ABCA3: variants seen among roughly 807,000 people sequenced by gnomAD.
The protein encoded by ABCA3 is phospholipid-transporting ATPase ABCA3.
ABCA3 carries 88 observed loss-of-function variants against 172.8 expected under a neutral mutation model. The observed-to-expected ratio is 0.51, with a 90% CI of 0.43 to 0.61. The LOEUF is 0.61. Ranked by LOEUF, ABCA3 falls within the 20% of genes least tolerant of loss-of-function variation. The pLI is 0.00. For synonymous variants in ABCA3, 1,066 were observed against 983.8 expected, an observed-to-expected ratio of 1.08 and a Z score of -1.56; for missense variants, 2,164 against 2,301.0, an observed-to-expected ratio of 0.94 and a Z score of 1.22.
chr16:2,295,165 G>A (rs1168534760), intron 18 of ABCA3, among the ~76,000 whole-genome samples: 1 of 152,150 alleles, frequency 6.6e-6, no homozygotes, highest in Non-Finnish European at 1.5e-5. Context: ...TGCCGTGTGT[G>A]TGAGACAGTG....
chr16:2,278,997 G>C lies in ABCA3; in HGVS notation c.4493C>G (p.Thr1498Ser), dbSNP rs753483761. ...TGGCTCCAGCAGCAGGCCCCGCAGA[G>C]TGTTCTCCACGCAGGCCCCGATGTG... ...ERHIGACVENTLRGLLLEPHA... is the reference protein window; with the variant it reads ...ERHIGACVENSLRGLLLEPHA... The change falls in exon 29 of 33, where the codon ACT becomes AGT. Residue 1498 changes from threonine to serine, a missense_variant. This residue lies in a region of ABCA3 where 795 missense variants were observed against 881.9 expected (regional missense o/e 0.90). Transcript: ENST00000301732. This position sits in a 1 kb window ranked among gnomAD's most constrained non-coding sequence, Gnocchi z 4.4. The C allele has an allele frequency of 6.2e-7, 1 of 1,613,570 alleles. No individual in the cohort carries two copies. Among genetic ancestry groups the C allele is most frequent in the Non-Finnish European group, 8.5e-7 (1 of 1,180,030 alleles).
rs555612825 is a variant in ABCA3 at position 2,277,282 on chromosome 16, G to A, written c.4983+315C>T. 5.8e-4 allele frequency among the ~76,000 whole-genome samples: 88 copies of A among 152,112 alleles called. No individual in the cohort carries two copies. Among genetic ancestry groups the A allele is most frequent in the African/African-American group, 2.1e-3 (87 of 41,490 alleles). On this transcript the variant is annotated intron_variant, in intron 32 of 32. Coordinates refer to ENST00000301732, the MANE Select transcript of ABCA3 (RefSeq NM_001089.3). This position sits in a 1 kb window ranked among gnomAD's most constrained non-coding sequence, Gnocchi z 5.3. The stretch of plus-strand genomic sequence containing the variant: ...TAATTTTTAAATTTTTTGTAGAGAC[G>A]GGGTCTATGTTGCCCAGGCTGGTCT...
chr16:2,332,305 C>T (rs1454235758), intron 1 of ABCA3: 11 of 665,386 alleles, frequency 1.7e-5, no homozygotes, highest in Admixed American at 2.3e-5. Flanking sequence ...TTGATAGTCA[C>T]GATGGGCTTA....
chr16:2,328,146 A>T (rs1244278979), intron 3 of ABCA3, among the ~76,000 whole-genome samples: 2 of 152,230 alleles, frequency 1.3e-5, no homozygotes, highest in East Asian at 3.8e-4. Flanking sequence ...CCAAAAGATG[A>T]TCAAATACAG....
rs567041011 is a variant in ABCA3 at position 2,297,028 on chromosome 16, G to A, written c.2263+301C>T. 3.8e-4 allele frequency among the ~76,000 whole-genome samples: 58 copies of A among 152,194 alleles called. No individual in the cohort carries two copies. The highest frequency in any genetic ancestry group is 6.6e-4 in the Non-Finnish European group (45 of 68,040). On this transcript the variant is annotated intron_variant, in intron 17 of 32. Transcript: ENST00000301732. The surrounding 1 kb of genome is among the most constrained non-coding windows in gnomAD (Gnocchi z 5.6). The stretch of plus-strand genomic sequence containing the variant: ...GCTCTCACGTGGGAGCTGCCATGTT[G>A]GTGCGTGTGTTGGCCTCTCCAAGGG...
chr16:2,323,262 C>T (rs2093728837), intron 7 of ABCA3: 3 of 555,578 alleles, frequency 5.4e-6, no homozygotes, highest in Admixed American at 3.1e-5. Context: ...CCTCAGGGAT[C>T]TAGAACTAGA....
intron 1 of ABCA3, chr16:2,332,558 C>T (rs2093745039): frequency 8.5e-7 from 1 of 1,183,092 alleles, no homozygotes; most frequent in South Asian, 1.2e-5. Flanking sequence ...CGAATGTCCA[C>T]ACCAGCAAAT....
intron 2 of ABCA3, among the ~76,000 whole-genome samples, chr16:2,329,428 C>A (rs909985463): frequency 5.3e-5 from 8 of 152,174 alleles, no homozygotes; most frequent in African/African-American, 1.9e-4. Context: ...CTGAGATGAA[C>A]GTTCTGCCTC....
Position 2,329,835 on chromosome 16 carries a change from CA to C in ABCA3, c.-520del, listed in dbSNP as rs2093740295. The stretch of plus-strand genomic sequence containing the variant: ...GACATCAGGAGGTGCCCAGGGCTCA[CA>C]GGCATGACTCTCCAGCACCTTTGGA... On this transcript the variant is annotated 5_prime_UTR_variant, in exon 2 of 33. It introduces an in-frame stop codon into an upstream open reading frame of the 5' UTR. Coordinates refer to ENST00000301732, the MANE Select transcript of ABCA3 (RefSeq NM_001089.3). 6.6e-6 allele frequency: 1 copy of C among 152,204 alleles called. No individual in the cohort carries two copies. The highest frequency in any genetic ancestry group is 2.1e-4 in the South Asian group (1 of 4,828). 9.4% of individuals were successfully genotyped at this position (152,204 alleles called of 1,614,324 possible). A position where few individuals can be genotyped will look rare whatever the true frequency, so the allele number is the denominator to read the frequency against.
At chr16:2,337,610 T>C (rs1225907563) in intron 1 of ABCA3, among the ~76,000 whole-genome samples, 5 of 151,770 alleles carry the variant, frequency 3.3e-5, no homozygotes, top group Non-Finnish European at 5.9e-5. Flanking sequence ...TTCTTCCAAC[T>C]TGTGGCCTCA....
chr16:2,312,614 C>T (rs563666636), intron 10 of ABCA3, among the ~76,000 whole-genome samples: 18 of 151,662 alleles, frequency 1.2e-4, no homozygotes, highest in South Asian at 6.3e-4. Context: ...CTGCAACCTC[C>T]GCCTCCCGGG....
At position 2,283,427 on chromosome 16, in the gene ABCA3, C is replaced by G; in HGVS notation, c.3863-69G>C. 1 of 1,561,048 alleles carries G rather than the reference C, an allele frequency of 6.4e-7. No individual in the cohort carries two copies. The highest frequency in any genetic ancestry group is 1.2e-5 in the South Asian group (1 of 86,730). On this transcript the variant is annotated intron_variant, in intron 25 of 32. Coordinates refer to ENST00000301732, the MANE Select transcript of ABCA3 (RefSeq NM_001089.3). The surrounding 1 kb of genome is among the most constrained non-coding windows in gnomAD (Gnocchi z 5.4). ...CTCCTCCCCTTCCAGGTTCCCGGCC[C>G]CCACTCCCCTCCCCAGGCTGCTCAA...
Position 2,276,352 on chromosome 16 carries a change from C to T in ABCA3, c.*322G>A. 2.0e-6 allele frequency: 1 copy of T among 508,718 alleles called. No homozygotes were observed. Among genetic ancestry groups the T allele is most frequent in the South Asian group, 1.5e-5 (1 of 65,004 alleles). 31.5% of individuals were successfully genotyped at this position (508,718 alleles called of 1,614,324 possible). On this transcript the variant is annotated 3_prime_UTR_variant, in exon 33 of 33. Transcript: ENST00000301732. ...TCTCCAGGGAGTGCCTGGAGAAATT[C>T]AACCCCCAGCTCAGCTGCAGCCCTT...
At chr16:2,294,685 T>A (rs2093677154) in intron 18 of ABCA3, among the ~76,000 whole-genome samples, 1 of 152,030 alleles carries the variant, frequency 6.6e-6, no homozygotes, top group Non-Finnish European at 1.5e-5. Context: ...ACCTTGTTTT[T>A]AAAATAAACA....
chr16:2,323,717 TC>T, intron 6 of ABCA3, 29 bp from the exon 7 acceptor site: 2 of 1,613,842 alleles, frequency 1.2e-6, no homozygotes. Context: ...AACCAGCTGT[TC>T]CGAGAGATCC....
At chr16:2,335,656 AG>A (rs1346019874) in intron 1 of ABCA3, among the ~76,000 whole-genome samples, 4 of 152,150 alleles carry the variant, frequency 2.6e-5, no homozygotes, top group Non-Finnish European at 5.9e-5. Flanking sequence ...ACTGAGGAGG[AG>A]GCACCCTGTG....
intron 8 of ABCA3, among the ~76,000 whole-genome samples, chr16:2,318,509 TTC>T (rs932099039): frequency 6.6e-6 from 1 of 152,032 alleles, no homozygotes; most frequent in Non-Finnish European, 1.5e-5. Flanking sequence ...TTCTTTCTTT[TTC>T]TCTTTTTCTT....
At chr16:2,332,542 C>G in intron 1 of ABCA3, 1 of 1,063,182 alleles carries the variant, frequency 9.4e-7, no homozygotes, top group Admixed American at 1.8e-5. Flanking sequence ...ACCCTCCACA[C>G]GGACACGAAT....
chr16:2,304,678 T>C (rs1260036175), intron 11 of ABCA3, among the ~76,000 whole-genome samples: 1 of 147,750 alleles, frequency 6.8e-6, no homozygotes, highest in East Asian at 2.0e-4. Flanking sequence ...GGGCTAAATT[T>C]TTTTTTTTTT....
Sources: gnomAD v4.1 joint callset for allele counts (sites outside exome capture counted in the v4.1 genomes callset) on GRCh38, gnomAD v4.1.1 for gene constraint, gnomAD v4.1.1 regional missense constraint, Gnocchi (gnomAD v3.1) non-coding constraint, MANE v1.5 for transcripts, NCBI Gene and HGNC (gene_info 2026-07-23, HGNC 2026-07-21) for gene names.